The following MMP15 variants were observed in gnomAD, a reference collection of about 807,000 sequenced individuals.
MMP15 encodes matrix metalloproteinase-15.
Under a neutral mutation model 65.0 loss-of-function variants are expected in MMP15, and 36 were observed. That is an observed-to-expected ratio of 0.55 (90% CI 0.42 to 0.73). MMP15 has a LOEUF of 0.73. MMP15 is among the 30% of genes least tolerant of loss of function. MMP15 has a pLI of 0.00. For missense variants in MMP15, 870 were observed against 987.8 expected, an observed-to-expected ratio of 0.88 and a Z score of 1.60; for synonymous variants, 428 against 410.2, an observed-to-expected ratio of 1.04 and a Z score of -0.52.
At chr16:58,032,661 C>T (rs1031901776) in intron 1 of MMP15, among the ~76,000 whole-genome samples, 3 of 152,232 alleles carry the variant, frequency 2.0e-5, no homozygotes, top group Non-Finnish European at 4.4e-5. Context: ...TCCCATTCAG[C>T]ACAGGCTCTG....
Position 58,045,001 on chromosome 16 carries a change from CT to C in MMP15, c.1571-5del. ...TGAAGCCACTCTGGCCTCCTTGCCCCTGCAGCCTACACCTACTTCTACAAGG... is the reference window on the plus strand; with the variant it reads ...TGAAGCCACTCTGGCCTCCTTGCCCCGCAGCCTACACCTACTTCTACAAGG... On this transcript the variant is annotated splice_region_variant and splice_polypyrimidine_tract_variant and intron_variant, in intron 9 of 9. Transcript: ENST00000219271. 1.2e-6 allele frequency: 2 copies of C among 1,613,296 alleles called. No homozygotes were observed. Among genetic ancestry groups the C allele is most frequent in the Non-Finnish European group, 1.7e-6 (2 of 1,179,938 alleles).
rs41483546 is a variant in MMP15 at position 58,039,739 on chromosome 16, A to G, written c.441-136A>G. 4,172 of 799,202 alleles carry G rather than the reference A, an allele frequency of 5.2e-3. 18 individuals carry two copies. The highest frequency in any genetic ancestry group is 6.8e-3 in the Non-Finnish European group (3,547 of 518,716). 49.5% of individuals were successfully genotyped at this position (799,202 alleles called of 1,614,324 possible). On this transcript the variant is annotated intron_variant, in intron 3 of 9. Transcript: ENST00000219271. ...CTGGATTTGACAAATTCAAATTATG[A>G]TTTACATCAAAGCAAACTGCCAGTT...
At chr16:58,043,126 T>C in intron 7 of MMP15, 84 bp from the exon 8 acceptor site, 5 of 1,326,042 alleles carry the variant, frequency 3.8e-6, no homozygotes, top group Non-Finnish European at 5.1e-6. Context: ...AGTGTGATTT[T>C]GTGGGCCCAG....
chr16:58,040,181 T>A lies in MMP15; in HGVS notation c.747T>A (p.His249Gln), dbSNP rs536687699. 2.9e-5 allele frequency: 47 copies of A among 1,603,554 alleles called. No homozygotes were observed. The Admixed American group carries it at 4.5e-4, about 15-fold the overall frequency. Residue 249 changes from histidine to glutamine, a missense_variant and splice_region_variant, in exon 4 of 10, where the codon CAT becomes CAA. Coordinates refer to ENST00000219271, the MANE Select transcript of MMP15 (RefSeq NM_002428.4). ...EPWTFSSTDL[H>Q]GNNLFLVAVH... is the part of the protein sequence containing the mutation. The stretch of plus-strand genomic sequence containing the variant: ...GGACCTTCTCCAGCACTGACCTGCA[T>A]GGTGAGGACAGCTGGCCAGGGTGAG...
intron 1 of MMP15, among the ~76,000 whole-genome samples, chr16:58,036,177 A>G (rs912245728): frequency 6.6e-6 from 1 of 152,176 alleles, no homozygotes; most frequent in Non-Finnish European, 1.5e-5. Context: ...AGTCAGACAC[A>G]GACACTTGCA....
At chr16:58,043,671 C>A in intron 9 of MMP15, 44 bp downstream of exon 9, 2 of 1,409,966 alleles carry the variant, frequency 1.4e-6, no homozygotes, top group South Asian at 1.2e-5. Context: ...CCTAATATCC[C>A]CTGCTACACA....
rs1959577377 is a variant in MMP15 at position 58,046,786 on chromosome 16, G to GC, written c.*1345dup. On this transcript the variant is annotated 3_prime_UTR_variant, in exon 10 of 10. Coordinates refer to ENST00000219271, the MANE Select transcript of MMP15 (RefSeq NM_002428.4). ...ACCAAGTGCGGGTCCGGCAGCTTCT[G>GC]CCCCCTGCAGAACCGGAGAGCCAGC... 6.5e-6 allele frequency: 1 copy of GC among 152,698 alleles called. No homozygotes were observed. The highest frequency in any genetic ancestry group is 1.5e-5 in the Non-Finnish European group (1 of 68,072). The allele number at this position is 152,698 out of a possible 1,614,324, so 9.5% of individuals were successfully genotyped here. A position where few individuals can be genotyped will look rare whatever the true frequency, so the allele number is the denominator to read the frequency against.
At chr16:58,037,424 G>A in intron 1 of MMP15, 48 bp from the exon 2 acceptor site, 2 of 1,599,318 alleles carry the variant, frequency 1.3e-6, no homozygotes, top group Non-Finnish European at 1.7e-6. Context: ...TGCATGTTTG[G>A]AGGTAGCAGT....
At position 58,045,160 on chromosome 16, in the gene MMP15, C is replaced by T. The variant is rs750193075; in HGVS notation, c.1724C>T (p.Pro575Leu). ...PGPRWPDVAR[P>L]PFNPHGGAEP... ...CCCCGATGGCCCGACGTGGCCCGGC[C>T]GCCCTTCAACCCCCACGGGGGTGCA... Residue 575 changes from proline (P) to leucine (L), a missense_variant, in exon 10 of 10, where the codon CCG becomes CTG. Transcript: ENST00000219271. The T allele has an allele frequency of 2.6e-5, 41 of 1,595,596 alleles. No homozygotes were observed. Among genetic ancestry groups the T allele is most frequent in the South Asian group, 1.7e-4 (15 of 89,012 alleles).
At chr16:58,037,322 C>G (rs1959350338) in intron 1 of MMP15, 150 bp from the exon 2 acceptor site, 1 of 962,954 alleles carries the variant, frequency 1.0e-6, no homozygotes, top group East Asian at 2.5e-5. Flanking sequence ...GAGGAGGGTG[C>G]TGAGGCTCAC....
intron 1 of MMP15, among the ~76,000 whole-genome samples, chr16:58,032,113 C>G (rs1963897128): frequency 6.6e-6 from 1 of 152,152 alleles, no homozygotes; most frequent in Non-Finnish European, 1.5e-5. Context: ...GATCTGCCCG[C>G]CTCGGCCTCC....
At chr16:58,037,883 G>A (rs957450877) in intron 2 of MMP15, among the ~76,000 whole-genome samples, 4 of 152,228 alleles carry the variant, frequency 2.6e-5, no homozygotes, top group Non-Finnish European at 4.4e-5. Context: ...AGGGGAGTGT[G>A]GAGGTACAGT....
chr16:58,042,476 C>G (rs747651553), intron 7 of MMP15, 107 bp downstream of exon 7: 14 of 1,457,606 alleles, frequency 9.6e-6, no homozygotes, highest in African/African-American at 5.6e-5. Flanking sequence ...ATGTCTGGTC[C>G]TGTGCCCCCA....
intron 5 of MMP15, 64 bp from the exon 6 acceptor site, chr16:58,041,552 GC>G: frequency 6.5e-7 from 1 of 1,541,490 alleles, no homozygotes; most frequent in Non-Finnish European, 8.8e-7. Flanking sequence ...TGTGCTGGGG[GC>G]CCCGGGGCCC....
intron 1 of MMP15, among the ~76,000 whole-genome samples, chr16:58,026,713 C>T (rs1963822087): frequency 6.6e-6 from 1 of 152,210 alleles, no homozygotes; most frequent in Admixed American, 6.5e-5. Context: ...CCCTTGAGGG[C>T]GCAGGGCCTC....
intron 4 of MMP15, 24 bp from the exon 5 acceptor site, chr16:58,040,513 C>T: frequency 6.2e-7 from 1 of 1,607,470 alleles, no homozygotes; most frequent in Non-Finnish European, 8.5e-7. Context: ...GCTGACTGTG[C>T]TGCCCTCCTT....
intron 1 of MMP15, among the ~76,000 whole-genome samples, chr16:58,036,076 G>T (rs771966845): frequency 1.3e-5 from 2 of 152,232 alleles, no homozygotes; most frequent in Non-Finnish European, 2.9e-5. Flanking sequence ...CCTGCTGCCT[G>T]GGCCCTCGGG....
In MMP15 at chr16:58,026,375, G is replaced by T; in HGVS notation, c.25G>T (p.Gly9Ter). 7.3e-7 allele frequency: 1 copy of T among 1,374,314 alleles called. No individual in the cohort carries two copies. Among genetic ancestry groups the T allele is most frequent in the South Asian group, 1.7e-5 (1 of 59,072 alleles). 85.1% of individuals were successfully genotyped at this position (1,374,314 alleles called of 1,614,324 possible). ...CATGGGCAGCGACCCGAGCGCGCCC[G>T]GACGGCCGGGCTGGACGGGCAGCCT... MGSDPSAPGRPGWTGSLLG... is the reference protein window; with the variant it reads MGSDPSAP The change falls in exon 1 of 10, where the codon GGA (glycine) becomes TGA (stop). Residue 9 changes from glycine to a stop codon, truncating the protein, a stop_gained. Coordinates refer to ENST00000219271, the MANE Select transcript of MMP15 (RefSeq NM_002428.4). LOFTEE classifies it high-confidence loss of function.
intron 1 of MMP15, among the ~76,000 whole-genome samples, chr16:58,031,316 G>A (rs912081713): frequency 2.0e-5 from 3 of 152,142 alleles, no homozygotes; most frequent in African/African-American, 7.2e-5. Flanking sequence ...TGCTGGGCCC[G>A]ATCCAGGTGG....
Sources: gnomAD v4.1 joint callset for allele counts (sites outside exome capture counted in the v4.1 genomes callset) on GRCh38, gnomAD v4.1.1 for gene constraint, MANE v1.5 for transcripts, NCBI Gene and HGNC (gene_info 2026-07-23, HGNC 2026-07-21) for gene names.